Variants in GRB10 observed in about 807,000 individuals in gnomAD.
GRB10 encodes the protein growth factor receptor-bound protein 10.
GRB10 carries 20 observed loss-of-function variants against 80.9 expected under a neutral mutation model. The observed-to-expected ratio is 0.25, with a 90% confidence interval of 0.17 to 0.36. The LOEUF is 0.36. Ranked by LOEUF, GRB10 falls within the 10% of genes least tolerant of loss-of-function variation. The pLI is 1.00. For missense variants in GRB10, 548 were observed against 747.7 expected (o/e 0.73, Z 3.12); for synonymous variants, 291 against 291.5 (o/e 1.00, Z 0.02).
chr7:50,614,439 C>T (rs560981314), intron 12 of GRB10, among the ~76,000 whole-genome samples: 1 of 152,200 alleles, frequency 6.6e-6, no homozygotes, highest in South Asian at 2.1e-4. Context: ...GGCTGGGGGT[C>T]CCCTCCCTTG....
intron 17 of GRB10, 28 bp downstream of exon 17, chr7:50,603,970 A>G: frequency 6.7e-7 from 1 of 1,502,462 alleles, no homozygotes; most frequent in Non-Finnish European, 9.3e-7. Flanking sequence ...TTAGCAGATG[A>G]CAGCTCTTAT....
chr7:50,632,101 G>A (rs916411577), intron 7 of GRB10, among the ~76,000 whole-genome samples: 7 of 152,006 alleles, frequency 4.6e-5, no homozygotes, highest in African/African-American at 1.5e-4. Context: ...AACCAACCAG[G>A]GTAGGCTAAA....
At chr7:50,673,112 C>T (rs546699846) in intron 6 of GRB10, among the ~76,000 whole-genome samples, 1 of 152,280 alleles carries the variant, frequency 6.6e-6, no homozygotes, top group Non-Finnish European at 1.5e-5. Context: ...ACAAAGAAAA[C>T]TCTCAGAAGT....
At chr7:50,678,536 G>T (rs914374311) in intron 5 of GRB10, among the ~76,000 whole-genome samples, 2 of 144,076 alleles carry the variant, frequency 1.4e-5, no homozygotes, top group African/African-American at 4.8e-5. Flanking sequence ...TATCTGTTTA[G>T]ATAATAAAAT....
intron 7 of GRB10, among the ~76,000 whole-genome samples, chr7:50,668,879 A>G (rs974142810): frequency 6.6e-6 from 1 of 152,200 alleles, no homozygotes; most frequent in Non-Finnish European, 1.5e-5. Context: ...CAGTTTCCTC[A>G]TATGGGGACA....
chr7:50,736,235 G>A (rs1019819526), intron 3 of GRB10, among the ~76,000 whole-genome samples: 6 of 152,134 alleles, frequency 3.9e-5, no homozygotes, highest in Non-Finnish European at 7.4e-5. Context: ...GCAGTGAGCC[G>A]AGATTGCGCC....
At chr7:50,618,504 C>T (rs1282743654) in intron 9 of GRB10, among the ~76,000 whole-genome samples, 1 of 152,188 alleles carries the variant, frequency 6.6e-6, no homozygotes, top group Non-Finnish European at 1.5e-5. Flanking sequence ...ACGAGAAAAG[C>T]CTGTTCTGCT....
intron 4 of GRB10, chr7:50,729,385 C>T (rs777023444): frequency 6.6e-6 from 1 of 152,170 alleles, no homozygotes; most frequent in African/African-American, 2.4e-5. Context: ...ATTTTATTTC[C>T]TATTTTGCAT....
intron 7 of GRB10, among the ~76,000 whole-genome samples, chr7:50,636,472 A>G (rs1219933933): frequency 1.3e-5 from 2 of 152,202 alleles, no homozygotes; most frequent in African/African-American, 4.8e-5. Flanking sequence ...CATAGATGCA[A>G]AAATCCTCAA....
chr7:50,707,021 T>TTGCA (rs1563529434), intron 4 of GRB10, among the ~76,000 whole-genome samples: 1 of 152,246 alleles, frequency 6.6e-6, no homozygotes, highest in African/African-American at 2.4e-5. Flanking sequence ...TTTTCCCACT[T>TTGCA]TGCATGTCTT....
chr7:50,699,793 G>C (rs975738950), intron 5 of GRB10, among the ~76,000 whole-genome samples: 1 of 151,950 alleles, frequency 6.6e-6, no homozygotes, highest in Non-Finnish European at 1.5e-5. Flanking sequence ...TGTGTAAGCT[G>C]TTGTCCTCTG....
At chr7:50,759,721 T>C (rs983691048) in intron 2 of GRB10, among the ~76,000 whole-genome samples, 3 of 152,068 alleles carry the variant, frequency 2.0e-5, no homozygotes, top group African/African-American at 7.2e-5. Flanking sequence ...GCAGAGCGGC[T>C]GTACTTTCAA....
At chr7:50,604,594 C>T (rs535127918) in intron 15 of GRB10, among the ~76,000 whole-genome samples, 1 of 152,102 alleles carries the variant, frequency 6.6e-6, no homozygotes, top group Non-Finnish European at 1.5e-5. Context: ...GCCCCAGTAT[C>T]GAAGTAGACA....
intron 4 of GRB10, among the ~76,000 whole-genome samples, chr7:50,713,811 TTCCACCATC>T (rs143440182): frequency 0.046 from 6,157 of 134,968 alleles, 214 homozygotes; most frequent in East Asian, 0.2. Flanking sequence ...CCACCATCAC[TTCCACCATC>T]TCCACCATCA....
chr7:50,619,324 G>T, intron 8 of GRB10, 39 bp from the exon 9 acceptor site: 1 of 1,193,730 alleles, frequency 8.4e-7, no homozygotes. Flanking sequence ...CGCAACAGGT[G>T]GGAAATTCAT....
At chr7:50,781,844 A>G (rs2078314816) in intron 1 of GRB10, among the ~76,000 whole-genome samples, 1 of 152,262 alleles carries the variant, frequency 6.6e-6, no homozygotes, top group African/African-American at 2.4e-5. Context: ...TCACTGCTCA[A>G]TTCACATTGT....
At chr7:50,644,497 T>C (rs1174629992) in intron 7 of GRB10, among the ~76,000 whole-genome samples, 1 of 152,170 alleles carries the variant, frequency 6.6e-6, no homozygotes, top group African/African-American at 2.4e-5. Context: ...ATCAGTCTAC[T>C]TTTATGGTAA....
chr7:50,667,200 T>C (rs1052135883), intron 7 of GRB10, among the ~76,000 whole-genome samples: 6 of 152,226 alleles, frequency 3.9e-5, no homozygotes, highest in African/African-American at 1.4e-4. Flanking sequence ...GCCTTCTTCA[T>C]GAATCTGCTA....
chr7:50,660,186 T>C (rs577208096), intron 7 of GRB10, among the ~76,000 whole-genome samples: 1 of 151,742 alleles, frequency 6.6e-6, no homozygotes, highest in East Asian at 1.9e-4. Flanking sequence ...ACGTGGGAAG[T>C]AGGGGGTGCA....
Sources: allele counts gnomAD v4.1 joint callset (sites outside exome capture counted in the v4.1 genomes callset), GRCh38; gene constraint gnomAD v4.1.1; transcripts MANE v1.5; gene names NCBI Gene and HGNC (gene_info 2026-07-23, HGNC 2026-07-21).